Variants in AKAP6 observed in about 807,000 individuals in gnomAD.
AKAP6 encodes the protein A-kinase anchor protein 6.
Under a neutral mutation model 188.5 loss-of-function variants are expected in AKAP6, and 58 were observed. That is an observed-to-expected ratio of 0.31 (90% CI 0.25 to 0.38). The LOEUF (loss-of-function observed/expected upper bound fraction) is 0.38, where lower values mean the gene tolerates loss of function less well. AKAP6 is among the 10% of genes least tolerant of loss of function. The pLI, the probability that AKAP6 is intolerant of heterozygous loss-of-function variation, is 1.00. For missense variants in AKAP6, 2,710 were observed against 2,740.0 expected (o/e 0.99, Z 0.24); for synonymous variants, 989 against 998.6 (o/e 0.99, Z 0.18).
intron 1 of AKAP6, among the ~76,000 whole-genome samples, chr14:32,351,213 C>A (rs1323915166): frequency 6.6e-6 from 1 of 152,038 alleles, no homozygotes; most frequent in Admixed American, 6.6e-5. Flanking sequence ...TTTCTTCTAA[C>A]CTAGAGGTCT....
intron 1 of AKAP6, among the ~76,000 whole-genome samples, chr14:32,427,140 TC>T (rs1360041062): frequency 1.3e-5 from 2 of 152,058 alleles, no homozygotes; most frequent in African/African-American, 2.4e-5. Context: ...ACGTGCTGTT[TC>T]CCCCCTGGGG....
intron 11 of AKAP6, among the ~76,000 whole-genome samples, chr14:32,749,810 C>T (rs1465506058): frequency 6.6e-6 from 1 of 152,186 alleles, no homozygotes; most frequent in African/African-American, 2.4e-5. Flanking sequence ...GAAGGACTAA[C>T]CAGAAACCCT....
At chr14:32,489,925 A>G (rs1879911618) in intron 2 of AKAP6, among the ~76,000 whole-genome samples, 1 of 152,342 alleles carries the variant, frequency 6.6e-6, no homozygotes, top group Non-Finnish European at 1.5e-5. Context: ...GCTAAGTCTG[A>G]AAAGAGAGTC....
intron 1 of AKAP6, among the ~76,000 whole-genome samples, chr14:32,390,853 C>T (rs140068987): frequency 1.6e-4 from 24 of 152,200 alleles, no homozygotes; most frequent in African/African-American, 2.4e-4. Flanking sequence ...AAATTCACGA[C>T]GCAAGCCTCC....
intron 9 of AKAP6, among the ~76,000 whole-genome samples, chr14:32,715,061 C>A (rs2030113848): frequency 6.6e-6 from 1 of 151,844 alleles, no homozygotes; most frequent in African/African-American, 2.4e-5. Flanking sequence ...TGGTCGAAGG[C>A]AGATTCATAT....
chr14:32,803,257 A>G (rs2033998230), intron 12 of AKAP6, among the ~76,000 whole-genome samples: 4 of 151,322 alleles, frequency 2.6e-5, no homozygotes, highest in Admixed American at 1.3e-4. Context: ...CAGCCTGGCC[A>G]ACATGGGGAA....
chr14:32,600,769 G>A lies in AKAP6; in HGVS notation c.2707G>A (p.Glu903Lys), dbSNP rs764638786. 59 of 1,610,144 alleles carry A rather than the reference G, an allele frequency of 3.7e-5. No individual in the cohort carries two copies. Among genetic ancestry groups the A allele is most frequent in the Non-Finnish European group, 4.8e-5 (56 of 1,178,260 alleles). Residue 903 changes from glutamate (E) to lysine (K), a missense_variant, in exon 7 of 14, where the codon GAG (glutamate) becomes AAG (lysine). Glu to Lys is a moderately conservative substitution (Grantham distance 56). Around this residue, in one of 2 missense-constraint regions of AKAP6, gnomAD observed 2,473 missense variants for 2,426.1 expected, o/e 1.02. Coordinates refer to ENST00000280979, the MANE Select transcript of AKAP6 (RefSeq NM_004274.5). ...ILATDVSVED[E>K]EGTGSPKAEV... is the part of the protein sequence containing the mutation. ...GGCTACTGATGTGTCTGTGGAGGATGAGGAAGGGACTGGAAGCCCCAAGGT... is the reference window on the plus strand; with the variant it reads ...GGCTACTGATGTGTCTGTGGAGGATAAGGAAGGGACTGGAAGCCCCAAGGT...
chr14:32,659,590 C>T (rs1413171532), intron 7 of AKAP6, among the ~76,000 whole-genome samples: 2 of 152,054 alleles, frequency 1.3e-5, no homozygotes, highest in Non-Finnish European at 2.9e-5. Context: ...TATCAGTTTT[C>T]CTGAACTTAT....
At chr14:32,346,163 A>G (rs10137128) in intron 1 of AKAP6, among the ~76,000 whole-genome samples, 59,077 of 151,998 alleles carry the variant, frequency 0.39, 12,955 homozygotes, top group African/African-American at 0.6. Context: ...CCCAGAAATA[A>G]CAGCTCTTCC....
chr14:32,645,163 C>A (rs1236330005), intron 7 of AKAP6, among the ~76,000 whole-genome samples: 1 of 152,086 alleles, frequency 6.6e-6, no homozygotes, highest in African/African-American at 2.4e-5. Flanking sequence ...TAAATTTTGA[C>A]TCTGTATATA....
intron 2 of AKAP6, among the ~76,000 whole-genome samples, chr14:32,462,925 A>AAAC (rs1891395091): frequency 6.8e-6 from 1 of 148,140 alleles, no homozygotes; most frequent in Non-Finnish European, 1.5e-5. Flanking sequence ...AAAAAAAAAA[A>AAAC]ACCCGGGGTT....
chr14:32,819,775 C>A (rs1044701075), intron 12 of AKAP6, among the ~76,000 whole-genome samples: 5 of 151,954 alleles, frequency 3.3e-5, no homozygotes, highest in African/African-American at 9.7e-5. Context: ...CATAGTGACA[C>A]CCTGTCTCTA....
intron 2 of AKAP6, among the ~76,000 whole-genome samples, chr14:32,452,338 C>A (rs113581574): frequency 2.0e-5 from 3 of 152,198 alleles, no homozygotes; most frequent in African/African-American, 7.2e-5. Flanking sequence ...CCAGCCTATG[C>A]TATAATTTTT....
intron 12 of AKAP6, among the ~76,000 whole-genome samples, chr14:32,792,376 G>A (rs1220954322): frequency 2.0e-5 from 3 of 152,106 alleles, no homozygotes; most frequent in Non-Finnish European, 2.9e-5. Context: ...TATTTTCTTA[G>A]TAGGAATTGT....
intron 2 of AKAP6, among the ~76,000 whole-genome samples, chr14:32,478,162 A>G (rs1879164557): frequency 6.6e-6 from 1 of 152,152 alleles, no homozygotes; most frequent in South Asian, 2.1e-4. Flanking sequence ...TTTGCCTTGT[A>G]TGGAGTTTTG....
chr14:32,362,515 G>T (rs1334770132), intron 1 of AKAP6, among the ~76,000 whole-genome samples: 1 of 152,202 alleles, frequency 6.6e-6, no homozygotes, highest in East Asian at 1.9e-4. Context: ...AAAGGTGTGT[G>T]TGTGCATGCT....
chr14:32,509,968 T>C (rs933544982), intron 2 of AKAP6, among the ~76,000 whole-genome samples: 10 of 152,146 alleles, frequency 6.6e-5, no homozygotes, highest in African/African-American at 2.4e-4. Context: ...AGCTGCTGCC[T>C]CACCGTGCAG....
At chr14:32,397,536 C>T (rs1479315358) in intron 1 of AKAP6, among the ~76,000 whole-genome samples, 1 of 152,038 alleles carries the variant, frequency 6.6e-6, no homozygotes, top group African/African-American at 2.4e-5. Context: ...TGCCACTGTT[C>T]CTGGCTAAAC....
At chr14:32,475,838 C>T (rs969827297) in intron 2 of AKAP6, among the ~76,000 whole-genome samples, 5 of 151,884 alleles carry the variant, frequency 3.3e-5, no homozygotes, top group Non-Finnish European at 5.9e-5. Flanking sequence ...CCACCACGCC[C>T]GGCTAATTTT....
Sources: allele counts gnomAD v4.1 joint callset (sites outside exome capture counted in the v4.1 genomes callset), GRCh38; gene constraint gnomAD v4.1.1; regional missense constraint gnomAD v4.1.1; transcripts MANE v1.5; gene names NCBI Gene and HGNC (gene_info 2026-07-23, HGNC 2026-07-21).